Variants in NHSL2 observed in about 807,000 individuals in gnomAD.
The protein encoded by NHSL2 is NHS-like protein 2.
NHSL2 carries 27 observed loss-of-function variants against 53.4 expected under a neutral mutation model. That is an observed-to-expected ratio of 0.51 (90% CI 0.37 to 0.70). The LOEUF is 0.70. NHSL2 is among the 30% of genes least tolerant of loss of function. The pLI is 0.00. For synonymous variants in NHSL2, 408 were observed against 404.1 expected, an observed-to-expected ratio of 1.01 and a Z score of -0.12; for missense variants, 892 against 980.1, an observed-to-expected ratio of 0.91 and a Z score of 1.20.
chrX:72,055,049 G>A (rs540810614), intron 1 of NHSL2, among the ~76,000 whole-genome samples: 7 of 111,682 alleles, frequency 6.3e-5, no homozygotes, highest in African/African-American at 2.0e-4. Flanking sequence ...TTTAGCAAGC[G>A]GGGAGAGAAA....
chrX:71,997,087 A>G (rs1467210478), intron 1 of NHSL2, among the ~76,000 whole-genome samples: 1 of 112,511 alleles, frequency 8.9e-6, no homozygotes, highest in Non-Finnish European at 1.9e-5. Context: ...GAAACAGAAT[A>G]TCAGAAAAGC....
rs1476645715 is a variant in NHSL2, at chrX:72,134,708, G to A, written c.760+4G>A. On this transcript the variant is annotated splice_donor_region_variant and intron_variant, in intron 4 of 7. Coordinates refer to ENST00000633930, the MANE Select transcript of NHSL2 (RefSeq NM_001013627.3). The stretch of plus-strand genomic sequence containing the variant: ...ATTGTGCCCATCAACATCTCTGGTA[G>A]AGTTGCTTAGCACCGCCTTTGTCTT... 1 of 1,149,132 alleles carries A rather than the reference G, an allele frequency of 8.7e-7. No homozygotes were observed. The highest frequency in any genetic ancestry group is 1.2e-6 in the Non-Finnish European group (1 of 856,950). The allele number at this position is 1,149,132 out of a possible 1,213,427, so 94.7% of individuals were successfully genotyped here.
rs180898807 is a variant in NHSL2, at chrX:72,032,574, G to A, written c.281-99505G>A. The stretch of plus-strand genomic sequence containing the variant: ...ACTTTTTTAATTTCAAGAATGTTAT[G>A]TAGGCCGGGCATGGTGGCTCACACC... On this transcript the variant is annotated intron_variant, in intron 1 of 7. Coordinates refer to ENST00000633930, the MANE Select transcript of NHSL2 (RefSeq NM_001013627.3). Among the ~76,000 whole-genome samples the A allele has an allele frequency of 8.3e-4, 93 of 111,443 alleles. 1 individual carries two copies. Among genetic ancestry groups the A allele is most frequent in the Admixed American group, 2.8e-3 (29 of 10,532 alleles).
chrX:72,115,996 A>C (rs778427171), intron 1 of NHSL2, among the ~76,000 whole-genome samples: 1 of 111,413 alleles, frequency 9.0e-6, no homozygotes, highest in Admixed American at 9.5e-5. Context: ...TGTCCAAAGA[A>C]TTCTGATGCA....
rs1053076880 is a variant in NHSL2 at position 72,145,957 on chromosome X, C to T, written c.*2383C>T. On this transcript the variant is annotated 3_prime_UTR_variant, in exon 8 of 8. Transcript: ENST00000633930. ...CCTGGAATTTTTAGAATATCTTCTA[C>T]ATCATCACTGTGGCCCACGCAGTGG... is the stretch of plus-strand genomic sequence containing the variant. 2 of 113,106 alleles carry T rather than the reference C, an allele frequency of 1.8e-5. No homozygotes were observed. Among genetic ancestry groups the T allele is most frequent in the Admixed American group, 9.3e-5 (1 of 10,724 alleles). 9.3% of individuals were successfully genotyped at this position (113,106 alleles called of 1,213,427 possible).
At chrX:72,044,959 TAAAAAAA>T (rs762632650) in intron 1 of NHSL2, 1 of 296,006 alleles carries the variant, frequency 3.4e-6, no homozygotes, top group African/African-American at 3.1e-5. Flanking sequence ...AAATTGTACT[TAAAAAAA>T]AAAAAAAAGA....
intron 1 of NHSL2, among the ~76,000 whole-genome samples, chrX:71,989,274 G>A (rs1283483676): frequency 9.5e-6 from 1 of 105,233 alleles, no homozygotes; most frequent in Non-Finnish European, 1.9e-5. Flanking sequence ...GCGTGAACCC[G>A]GGAGGCGGAA....
At chrX:72,099,214 C>G (rs1291847416) in intron 1 of NHSL2, among the ~76,000 whole-genome samples, 2 of 111,895 alleles carry the variant, frequency 1.8e-5, no homozygotes, top group Non-Finnish European at 3.8e-5. Flanking sequence ...TGAATTTTGT[C>G]TTAGTAGCTA....
intron 1 of NHSL2, among the ~76,000 whole-genome samples, chrX:72,087,927 G>A (rs182510992): frequency 3.7e-5 from 4 of 108,369 alleles, no homozygotes; most frequent in East Asian, 5.9e-4. Flanking sequence ...AGTTCTGGCC[G>A]GGTGCAGTGG....
intron 1 of NHSL2, among the ~76,000 whole-genome samples, chrX:72,005,643 G>A (rs2042091235): frequency 8.9e-6 from 1 of 111,803 alleles, no homozygotes; most frequent in African/African-American, 3.3e-5. Context: ...CCTCCAAGGT[G>A]TGAATGTGTT....
intron 1 of NHSL2, among the ~76,000 whole-genome samples, chrX:72,064,457 G>A (rs918191785): frequency 8.9e-6 from 1 of 111,747 alleles, no homozygotes; most frequent in African/African-American, 3.3e-5. Context: ...GTCTGTCTCC[G>A]CATCTTCAGC....
chrX:72,016,383 T>C (rs1186628382), intron 1 of NHSL2, among the ~76,000 whole-genome samples: 2 of 112,304 alleles, frequency 1.8e-5, no homozygotes, highest in Non-Finnish European at 3.8e-5. Context: ...GTAGATTTGA[T>C]ACCTTGTATA....
intron 1 of NHSL2, among the ~76,000 whole-genome samples, chrX:71,978,197 G>T (rs947414947): frequency 8.0e-5 from 9 of 112,510 alleles, no homozygotes; most frequent in African/African-American, 2.9e-4. Flanking sequence ...AATAAACTAA[G>T]AAATCATTAG....
chrX:72,129,462 A>G lies in NHSL2; in HGVS notation c.281-2617A>G, dbSNP rs1387182781. The G allele has an allele frequency of 2.2e-5, 4 of 181,074 alleles. No individual in the cohort carries two copies. The South Asian group carries it at 6.6e-4, about 30-fold the overall frequency. The allele number at this position is 181,074 out of a possible 1,213,427, so 14.9% of individuals were successfully genotyped here. A position where few individuals can be genotyped will look rare whatever the true frequency, so the allele number is the denominator to read the frequency against. On this transcript the variant is annotated intron_variant, in intron 1 of 7. Transcript: ENST00000633930. ...CAGTCAGAGAATAAAACTGTAGAACATAGGGTGAAGAAACGCAGGAGAGGT... is the reference window on the plus strand; with the variant it reads ...CAGTCAGAGAATAAAACTGTAGAACGTAGGGTGAAGAAACGCAGGAGAGGT...
chrX:71,911,993 G>C (rs1172813011), intron 1 of NHSL2, among the ~76,000 whole-genome samples: 1 of 112,185 alleles, frequency 8.9e-6, no homozygotes, highest in East Asian at 2.8e-4. Flanking sequence ...GTGGCCGGGA[G>C]GGGGGAGGGG....
chrX:72,079,101 C>T (rs2041768267), intron 1 of NHSL2, among the ~76,000 whole-genome samples: 1 of 112,550 alleles, frequency 8.9e-6, no homozygotes, highest in Non-Finnish European at 1.9e-5. Flanking sequence ...GTTACTGGAA[C>T]GAGGGCTCAA....
At chrX:71,959,996 A>T (rs1478065262) in intron 1 of NHSL2, among the ~76,000 whole-genome samples, 2 of 112,039 alleles carry the variant, frequency 1.8e-5, no homozygotes, top group South Asian at 7.4e-4. Context: ...AAGTGGCTAT[A>T]CCATCTCTCC....
intron 1 of NHSL2, among the ~76,000 whole-genome samples, chrX:72,116,301 A>G (rs1400365076): frequency 8.9e-6 from 1 of 112,097 alleles, no homozygotes; most frequent in Non-Finnish European, 1.9e-5. Flanking sequence ...CCTTAGTATG[A>G]CAGTAATTCT....
chrX:72,039,073 TTTCCTTTCCTTTCCTTTCCTTTCC>T lies in NHSL2; in HGVS notation c.281-93003_281-92980del, dbSNP rs1223127927. On this transcript the variant is annotated intron_variant, in intron 1 of 7. Transcript: ENST00000633930. ...TTCCTTCCCTTCTCTTTTCTTTTCC[TTTCCTTTCCTTTCCTTTCCTTTCC>T]TTTCCTTTCCTTTCCTTTCCTTTCC... Among the ~76,000 whole-genome samples the T allele has an allele frequency of 2.0e-4, 6 of 29,429 alleles. No individual in the cohort carries two copies. In the African/African-American group the frequency reaches 2.1e-3, roughly 10 times the overall value. The allele number at this position is 29,429 out of a possible 115,157, so 25.6% of individuals were successfully genotyped here.
Sources: allele counts gnomAD v4.1 joint callset (sites outside exome capture counted in the v4.1 genomes callset), GRCh38; gene constraint gnomAD v4.1.1; transcripts MANE v1.5; gene names NCBI Gene and HGNC (gene_info 2026-07-23, HGNC 2026-07-21).